Variants in ALPK1 observed in about 807,000 individuals in gnomAD.
The protein encoded by ALPK1 is alpha-protein kinase 1.
ALPK1 carries 110 observed loss-of-function variants against 120.6 expected under a neutral mutation model. The observed-to-expected ratio is 0.91, with a 90% CI of 0.78 to 1.07. ALPK1 has a LOEUF of 1.07. Ranked by LOEUF, ALPK1 falls within the 50% of genes least tolerant of loss-of-function variation. The pLI is 0.00. For missense variants in ALPK1, 1,498 were observed against 1,483.9 expected, an observed-to-expected ratio of 1.01 and a Z score of -0.16; for synonymous variants, 582 against 560.3, an observed-to-expected ratio of 1.04 and a Z score of -0.55.
intron 2 of ALPK1, among the ~76,000 whole-genome samples, chr4:112,321,227 T>C (rs1221680455): frequency 6.6e-6 from 1 of 152,144 alleles, no homozygotes; most frequent in Non-Finnish European, 1.5e-5. Context: ...TAATTGAGCT[T>C]ACTTGAATCT....
chr4:112,326,389 A>G (rs1013010241), intron 2 of ALPK1, among the ~76,000 whole-genome samples: 1 of 152,154 alleles, frequency 6.6e-6, no homozygotes, highest in Non-Finnish European at 1.5e-5. Context: ...TCAGATAAAG[A>G]TGGTCTACAG....
At chr4:112,364,252 C>CA (rs1731041299) in intron 2 of ALPK1, among the ~76,000 whole-genome samples, 1 of 150,792 alleles carries the variant, frequency 6.6e-6, no homozygotes, top group Non-Finnish European at 1.5e-5. Context: ...TATTTATATA[C>CA]AAAAAATAAA....
intron 4 of ALPK1, among the ~76,000 whole-genome samples, chr4:112,386,853 T>C (rs1732175472): frequency 6.6e-6 from 1 of 152,196 alleles, no homozygotes; most frequent in Admixed American, 6.5e-5. Context: ...CTCCCTCTCT[T>C]ATTTAAAAAT....
chr4:112,427,386 G>C (rs1246759658), intron 8 of ALPK1, among the ~76,000 whole-genome samples, 184 bp from the exon 9 acceptor site: 4 of 28,994 alleles, frequency 1.4e-4, no homozygotes, highest in African/African-American at 3.5e-4. Flanking sequence ...TTTAAAAATA[G>C]TATTTTTAAA....
intron 9 of ALPK1, chr4:112,428,256 A>G (rs1430959370): frequency 6.6e-6 from 1 of 152,576 alleles, no homozygotes; most frequent in Non-Finnish European, 1.5e-5. Context: ...AGTAAGAGAG[A>G]GAACTGGGAG....
intron 5 of ALPK1, chr4:112,412,475 T>C (rs1733529311): frequency 2.2e-6 from 1 of 457,178 alleles, no homozygotes; most frequent in Non-Finnish European, 4.4e-6. Flanking sequence ...ATTTGAGGGT[T>C]TTTTTTCATC....
intron 2 of ALPK1, chr4:112,359,617 C>G: frequency 4.0e-6 from 1 of 249,536 alleles, no homozygotes; most frequent in Non-Finnish European, 8.1e-6. Context: ...CCTGGGAAGA[C>G]CCAGAGCAAG....
Position 112,403,205 on chromosome 4 carries a change from GC to G in ALPK1, c.277-8617del, listed in dbSNP as rs750159414. On this transcript the variant is annotated intron_variant, in intron 4 of 15. Transcript: ENST00000650871. ...TCCTTCTGATGTCAGAGTGCCCCCCGCCCCCTCCCCGGCATACATTTTGGGA... is the reference window on the plus strand; with the variant it reads ...TCCTTCTGATGTCAGAGTGCCCCCCGCCCCTCCCCGGCATACATTTTGGGA... 1.0e-3 allele frequency among the ~76,000 whole-genome samples: 136 copies of G among 130,180 alleles called. 1 individual carries two copies. The highest frequency in any genetic ancestry group is 1.8e-4 in the Non-Finnish European group (11 of 61,366). The allele number at this position is 130,180 out of a possible 152,430, so 85.4% of individuals were successfully genotyped here.
intron 2 of ALPK1, among the ~76,000 whole-genome samples, chr4:112,363,808 G>A (rs2148718568): frequency 6.6e-6 from 1 of 152,190 alleles, no homozygotes; most frequent in African/African-American, 2.4e-5. Flanking sequence ...CATATGATAG[G>A]CCACAAAACA....
intron 5 of ALPK1, among the ~76,000 whole-genome samples, chr4:112,423,066 A>G (rs1734070216): frequency 6.6e-6 from 1 of 152,258 alleles, no homozygotes; most frequent in Non-Finnish European, 1.5e-5. Context: ...AGAATGGAAT[A>G]TACTGGTGTG....
Position 112,382,398 on chromosome 4 carries a change from C to G in ALPK1, c.122C>G (p.Ala41Gly). Residue 41 changes from alanine (A) to glycine (G), a missense_variant and splice_region_variant, in exon 4 of 16, where the codon GCT (alanine) becomes GGT (glycine). Coordinates refer to ENST00000650871, the MANE Select transcript of ALPK1 (RefSeq NM_025144.4). ...EDKSEDQRCR[A>G]LLPSELRTLI... The stretch of plus-strand genomic sequence containing the variant: ...CTTACCTGAACTCTGACCTTTTCAG[C>G]TTTACTCCCCAGCGAGTTAAGGACC... 1.2e-6 allele frequency: 2 copies of G among 1,606,816 alleles called. No individual in the cohort carries two copies. Among genetic ancestry groups the G allele is most frequent in the Non-Finnish European group, 1.7e-6 (2 of 1,176,480 alleles).
At chr4:112,429,704 G>T (rs893911352) in intron 10 of ALPK1, among the ~76,000 whole-genome samples, 1 of 151,924 alleles carries the variant, frequency 6.6e-6, no homozygotes, top group African/African-American at 2.4e-5. Flanking sequence ...GCCAGGTGTG[G>T]TGGTACGTGC....
intron 3 of ALPK1, among the ~76,000 whole-genome samples, chr4:112,382,035 C>A (rs964941515): frequency 6.6e-6 from 1 of 152,348 alleles, no homozygotes; most frequent in African/African-American, 2.4e-5. Context: ...GAATGCCATT[C>A]CATTTCAGTC....
chr4:112,357,953 C>T, intron 2 of ALPK1: 1 of 757,920 alleles, frequency 1.3e-6, no homozygotes. Context: ...ATTGCCTCCC[C>T]CGGGGTCTAC....
intron 4 of ALPK1, among the ~76,000 whole-genome samples, chr4:112,405,763 G>C (rs1733141392): frequency 6.6e-6 from 1 of 152,116 alleles, no homozygotes; most frequent in Non-Finnish European, 1.5e-5. Context: ...TTTTAGTAGA[G>C]ACGGGGTTTC....
intron 2 of ALPK1, among the ~76,000 whole-genome samples, chr4:112,325,283 C>A (rs574342036): frequency 2.6e-5 from 4 of 152,326 alleles, no homozygotes; most frequent in Admixed American, 2.6e-4. Flanking sequence ...ACTTTAGACA[C>A]TATTCCCATT....
intron 4 of ALPK1, among the ~76,000 whole-genome samples, chr4:112,386,133 G>T (rs915106053): frequency 1.3e-5 from 2 of 152,184 alleles, no homozygotes; most frequent in Non-Finnish European, 2.9e-5. Context: ...ACTTAACCAA[G>T]AAAAATGATA....
At chr4:112,331,603 A>G (rs1277974709) in intron 2 of ALPK1, among the ~76,000 whole-genome samples, 1 of 152,194 alleles carries the variant, frequency 6.6e-6, no homozygotes, top group Non-Finnish European at 1.5e-5. Context: ...CCAATGCTGT[A>G]TCAGTTTACA....
In ALPK1 at chr4:112,432,582, G is replaced by A. The variant is rs758926378; in HGVS notation, c.3034+1G>A. The A allele has an allele frequency of 1.5e-5, 24 of 1,609,250 alleles. 1 individual carries two copies. In the Admixed American group the frequency reaches 4.0e-4, roughly 27 times the overall value. On this transcript the variant is annotated splice_donor_variant, in intron 11 of 15. Transcript: ENST00000650871. LOFTEE classifies it high-confidence loss of function. ...CCCAGTCAACTCCACCGAGCACATA[G>A]TAAGTACAATCTTTTCAATAGTTCC... is the stretch of plus-strand genomic sequence containing the variant.
Sources: allele counts gnomAD v4.1 joint callset (sites outside exome capture counted in the v4.1 genomes callset), GRCh38; gene constraint gnomAD v4.1.1; transcripts MANE v1.5; gene names NCBI Gene and HGNC (gene_info 2026-07-23, HGNC 2026-07-21).